The following PPP3CB variants were observed in gnomAD, a reference collection of about 807,000 sequenced individuals.
PPP3CB encodes the protein protein phosphatase 3 catalytic subunit beta, also known as serine/threonine-protein phosphatase 2B catalytic subunit beta isoform.
A neutral mutation model predicts 66.4 loss-of-function variants in PPP3CB; 8 were observed. The ratio of observed to expected loss-of-function variants is 0.12; its 90% CI spans 0.07 to 0.22. The LOEUF (loss-of-function observed/expected upper bound fraction) is 0.22. PPP3CB is among the 10% of genes least tolerant of loss of function. PPP3CB has a pLI of 1.00. For missense variants in PPP3CB, 319 were observed against 642.5 expected, an observed-to-expected ratio of 0.50 and a Z score of 5.44; for synonymous variants, 208 against 221.2, an observed-to-expected ratio of 0.94 and a Z score of 0.53.
rs765517572 is a variant in PPP3CB at position 73,444,627 on chromosome 10, C to CAGA, written c.1366+95_1366+97dup. 12 of 1,568,182 alleles carry CAGA rather than the reference C, an allele frequency of 7.7e-6. No individual in the cohort carries two copies. The African/African-American group carries it at 1.4e-4, about 18-fold the overall frequency. ...AGCTGCTGAGACAGGAACTAAAAAA[C>CAGA]AGAAGGAATTCCCTGCATGCATTAT... On this transcript the variant is annotated intron_variant, in intron 12 of 13. Coordinates refer to ENST00000360663, the MANE Select transcript of PPP3CB (RefSeq NM_021132.4).
intron 9 of PPP3CB, among the ~76,000 whole-genome samples, chr10:73,460,734 G>A (rs1219762649): frequency 6.6e-6 from 1 of 152,236 alleles, no homozygotes; most frequent in East Asian, 1.9e-4. Flanking sequence ...GGGGGTCAGG[G>A]AGGAGCCCAT....
chr10:73,473,130 C>G (rs1204652027), intron 4 of PPP3CB, among the ~76,000 whole-genome samples: 1 of 152,176 alleles, frequency 6.6e-6, no homozygotes, highest in African/African-American at 2.4e-5. Context: ...TTAGGTCAAG[C>G]ATGCACTTTC....
chr10:73,448,757 A>T, intron 10 of PPP3CB: 1 of 532,756 alleles, frequency 1.9e-6, no homozygotes, highest in South Asian at 1.4e-5. Context: ...ACAAATAAAA[A>T]GATAGAGATT....
intron 1 of PPP3CB, among the ~76,000 whole-genome samples, chr10:73,487,564 C>CAAAAAAAAAAAAAAA (rs746889105): frequency 4.6e-5 from 3 of 65,220 alleles, no homozygotes; most frequent in Non-Finnish European, 6.0e-5. Flanking sequence ...AAACCAAAAC[C>CAAAAAAAAAAAAAAA]AAAAAAAAAA....
intron 9 of PPP3CB, among the ~76,000 whole-genome samples, chr10:73,455,249 C>G (rs1051464639): frequency 1.3e-5 from 2 of 152,174 alleles, no homozygotes; most frequent in African/African-American, 4.8e-5. Flanking sequence ...TAATGACTAT[C>G]TAACAATCTG....
At chr10:73,474,756 C>T (rs1038511853) in intron 4 of PPP3CB, among the ~76,000 whole-genome samples, 163 bp downstream of exon 4, 4 of 152,106 alleles carry the variant, frequency 2.6e-5, no homozygotes, top group African/African-American at 9.7e-5. Context: ...TTCTTAATAC[C>T]ATTAAACACC....
intron 1 of PPP3CB, among the ~76,000 whole-genome samples, chr10:73,485,497 T>C (rs892385293): frequency 3.9e-5 from 6 of 152,200 alleles, no homozygotes; most frequent in African/African-American, 1.2e-4. Context: ...AGTGAATAAC[T>C]TGACTCCAAA....
At chr10:73,493,564 T>C (rs904653003) in intron 1 of PPP3CB, among the ~76,000 whole-genome samples, 5 of 152,186 alleles carry the variant, frequency 3.3e-5, no homozygotes, top group African/African-American at 9.7e-5. Context: ...TCTGGATCTG[T>C]AAGAAAGGTG....
At chr10:73,442,686 A>G (rs2056168034) in intron 12 of PPP3CB, among the ~76,000 whole-genome samples, 1 of 151,846 alleles carries the variant, frequency 6.6e-6, no homozygotes, top group South Asian at 2.1e-4. Flanking sequence ...ATGGAGGGCA[A>G]GGAATGTAAA....
intron 3 of PPP3CB, chr10:73,477,063 C>T (rs1181456850): frequency 2.1e-6 from 1 of 471,088 alleles, no homozygotes; most frequent in Non-Finnish European, 4.2e-6. Context: ...CATTGCCTGG[C>T]TATGCTGTTT....
chr10:73,439,690 C>G (rs994930181), intron 13 of PPP3CB, among the ~76,000 whole-genome samples, 182 bp downstream of exon 13: 1 of 152,030 alleles, frequency 6.6e-6, no homozygotes, highest in Non-Finnish European at 1.5e-5. Context: ...AGACATCAGC[C>G]CTTCTGATTT....
chr10:73,452,516 T>G (rs2056363153), intron 10 of PPP3CB, among the ~76,000 whole-genome samples: 1 of 151,982 alleles, frequency 6.6e-6, no homozygotes, highest in South Asian at 2.1e-4. Context: ...GCCAAGATGG[T>G]GAAACCCCAT....
intron 9 of PPP3CB, among the ~76,000 whole-genome samples, chr10:73,462,639 A>T (rs986635040): frequency 9.2e-5 from 14 of 152,124 alleles, no homozygotes; most frequent in South Asian, 4.2e-4. Flanking sequence ...GTAAAAAGGG[A>T]TTTGACTAGT....
At chr10:73,460,641 A>C (rs2132867714) in intron 9 of PPP3CB, among the ~76,000 whole-genome samples, 2 of 152,364 alleles carry the variant, frequency 1.3e-5, no homozygotes, top group South Asian at 4.1e-4. Context: ...AAAGGAACCA[A>C]GTGCTAATAG....
In PPP3CB at chr10:73,474,864, C is replaced by T. The variant is rs569292616; in HGVS notation, c.523+55G>A. ...AAGTCTTCAAAACTCTTACTACCCA[C>T]TTAAGTCCAAAAGAATACTGAGGAA... On this transcript the variant is annotated intron_variant, in intron 4 of 13. Transcript: ENST00000360663. 3.4e-5 allele frequency: 55 copies of T among 1,595,744 alleles called. No individual in the cohort carries two copies. In the African/African-American group the frequency reaches 6.6e-4, roughly 19 times the overall value.
At chr10:73,473,790 T>C (rs140122679) in intron 4 of PPP3CB, among the ~76,000 whole-genome samples, 13 of 152,228 alleles carry the variant, frequency 8.5e-5, no homozygotes, top group Non-Finnish European at 1.9e-4. Flanking sequence ...AGAAAAGGGA[T>C]AAACATTGCA....
At chr10:73,454,334 A>G in intron 10 of PPP3CB, 78 bp downstream of exon 10, 1 of 1,030,108 alleles carries the variant, frequency 9.7e-7, no homozygotes. Context: ...TTTTTGCAAA[A>G]TAGTGTGTAC....
chr10:73,462,134 C>T (rs2056531463), intron 9 of PPP3CB, among the ~76,000 whole-genome samples: 1 of 145,536 alleles, frequency 6.9e-6, no homozygotes, highest in South Asian at 2.2e-4. Context: ...GCCAATTAAA[C>T]TCCTTCTTTT....
intron 1 of PPP3CB, among the ~76,000 whole-genome samples, chr10:73,491,033 T>G (rs1364999478): frequency 1.7e-5 from 2 of 119,062 alleles, no homozygotes; most frequent in South Asian, 2.9e-4. Context: ...TTTTTTTTTT[T>G]TTTTTTTTTT....
Sources: gnomAD v4.1 joint callset for allele counts (sites outside exome capture counted in the v4.1 genomes callset) on GRCh38, gnomAD v4.1.1 for gene constraint, MANE v1.5 for transcripts, NCBI Gene and HGNC (gene_info 2026-07-23, HGNC 2026-07-21) for gene names.